The following MAP2K5 variants were observed in gnomAD, a reference collection of about 807,000 sequenced individuals.
MAP2K5 encodes the protein mitogen-activated protein kinase kinase 5, also known as dual specificity mitogen-activated protein kinase kinase 5.
Under a neutral mutation model 83.1 loss-of-function variants are expected in MAP2K5, and 49 were observed. The observed-to-expected ratio is 0.59, with a 90% CI of 0.47 to 0.75. MAP2K5 has a LOEUF of 0.75. Among genes scored for constraint, MAP2K5 ranks in the 30% least tolerant of loss-of-function variants. The pLI, the probability that MAP2K5 is intolerant of heterozygous loss-of-function variation, is 0.00. For missense variants in MAP2K5, 457 were observed against 557.5 expected, an observed-to-expected ratio of 0.82 and a Z score of 1.82; for synonymous variants, 202 against 191.8, an observed-to-expected ratio of 1.05 and a Z score of -0.44.
chr15:67,558,609 C>G (rs969485819), intron 2 of MAP2K5, among the ~76,000 whole-genome samples: 2 of 152,222 alleles, frequency 1.3e-5, no homozygotes, highest in Non-Finnish European at 2.9e-5. Context: ...ATTTTCGCAT[C>G]TGGCCTCAAC....
At chr15:67,741,471 G>A (rs1046597001) in intron 17 of MAP2K5, among the ~76,000 whole-genome samples, 1 of 152,180 alleles carries the variant, frequency 6.6e-6, no homozygotes, top group African/African-American at 2.4e-5. Flanking sequence ...GTCTGAGAGG[G>A]GAACAGCAGG....
chr15:67,801,047 C>G lies in MAP2K5; in HGVS notation c.1243-5599C>G, dbSNP rs1036378558. 6.6e-6 allele frequency among the ~76,000 whole-genome samples: 1 copy of G among 152,032 alleles called. No individual in the cohort carries two copies. Among genetic ancestry groups the G allele is most frequent in the African/African-American group, 2.4e-5 (1 of 41,368 alleles). Reference sequence around the variant, plus strand: ...AAATTTTCTTAACAGAATTTGAAACCGCTGCAGAGCCCCCAAAGCACCTCA... The same window carrying G: ...AAATTTTCTTAACAGAATTTGAAACGGCTGCAGAGCCCCCAAAGCACCTCA... On this transcript the variant is annotated intron_variant, in intron 21 of 21. Coordinates refer to ENST00000178640, the MANE Select transcript of MAP2K5 (RefSeq NM_145160.3). The surrounding 1 kb of genome is among the most constrained non-coding windows in gnomAD (Gnocchi z 4.8).
intron 17 of MAP2K5, among the ~76,000 whole-genome samples, chr15:67,739,979 T>G (rs2089457218): frequency 6.6e-6 from 1 of 152,150 alleles, no homozygotes; most frequent in Admixed American, 6.5e-5. Flanking sequence ...CTTTAGGGGT[T>G]GGAAGGATGG....
At chr15:67,639,592 G>A (rs2086670372) in intron 9 of MAP2K5, among the ~76,000 whole-genome samples, 1 of 152,168 alleles carries the variant, frequency 6.6e-6, no homozygotes. Context: ...GGCTTGCCAA[G>A]GGTCATCCTG....
chr15:67,588,888 T>C (rs1019638350), intron 6 of MAP2K5, among the ~76,000 whole-genome samples: 1 of 152,236 alleles, frequency 6.6e-6, no homozygotes, highest in Non-Finnish European at 1.5e-5. Flanking sequence ...CAATCACAGC[T>C]CGCTGCAGCC....
intron 5 of MAP2K5, 35 bp downstream of exon 5, chr15:67,585,965 A>T (rs1567291225): frequency 6.3e-7 from 1 of 1,575,850 alleles, no homozygotes; most frequent in Non-Finnish European, 8.7e-7. Context: ...GTAAAGTTAG[A>T]TGGATTTGTA....
At chr15:67,607,559 C>T (rs189271784) in intron 8 of MAP2K5, among the ~76,000 whole-genome samples, 27 of 152,254 alleles carry the variant, frequency 1.8e-4, no homozygotes, top group African/African-American at 4.8e-4. Flanking sequence ...TGTCACAGGT[C>T]GCTGAGCAGA....
At chr15:67,584,062 A>G (rs560888152) in intron 4 of MAP2K5, among the ~76,000 whole-genome samples, 1 of 152,160 alleles carries the variant, frequency 6.6e-6, no homozygotes, top group Non-Finnish European at 1.5e-5. Context: ...ATTCTGATGT[A>G]ATAACATGTT....
chr15:67,653,427 A>G (rs1323328099), intron 11 of MAP2K5, among the ~76,000 whole-genome samples: 1 of 151,910 alleles, frequency 6.6e-6, no homozygotes, highest in African/African-American at 2.4e-5. Flanking sequence ...CTGGGATTAC[A>G]AGCACCCAGC....
intron 13 of MAP2K5, among the ~76,000 whole-genome samples, chr15:67,673,445 T>C (rs2087598161): frequency 1.3e-5 from 2 of 152,314 alleles, no homozygotes; most frequent in African/African-American, 2.4e-5. Flanking sequence ...TTGTATTATA[T>C]TCCAAAATTA....
intron 8 of MAP2K5, among the ~76,000 whole-genome samples, chr15:67,605,860 T>A (rs896917440): frequency 6.6e-6 from 1 of 152,224 alleles, no homozygotes; most frequent in Non-Finnish European, 1.5e-5. Context: ...CTTCCTCATA[T>A]CTAGCTACTT....
At chr15:67,763,293 C>T (rs1169752407) in intron 19 of MAP2K5, among the ~76,000 whole-genome samples, 3 of 151,948 alleles carry the variant, frequency 2.0e-5, no homozygotes, top group Admixed American at 6.6e-5. Flanking sequence ...GGAGTGGCCA[C>T]ATTTTAAAAT....
rs2087442273 is a variant in MAP2K5, at chr15:67,668,435, G to T, written c.847+3790G>T. ...TCTTTATTAAAAGGCATATGTGAGA[G>T]CACTATAAGCATAGCATGTGCTGAC... On this transcript the variant is annotated intron_variant, in intron 13 of 21. Transcript: ENST00000178640. This position sits in a 1 kb window ranked among gnomAD's most constrained non-coding sequence, Gnocchi z 4.0. 6.6e-6 allele frequency among the ~76,000 whole-genome samples: 1 copy of T among 152,130 alleles called. No individual in the cohort carries two copies.
intron 9 of MAP2K5, chr15:67,641,345 C>T (rs972995416): frequency 7.8e-5 from 20 of 254,934 alleles, no homozygotes; most frequent in Non-Finnish European, 1.1e-4. Flanking sequence ...CTGAGTTGTA[C>T]ATACTGTAAA....
chr15:67,703,737 A>G (rs1195906018), intron 16 of MAP2K5, among the ~76,000 whole-genome samples: 1 of 152,222 alleles, frequency 6.6e-6, no homozygotes, highest in African/African-American at 2.4e-5. Flanking sequence ...GGTGATTCTT[A>G]TACATACTAA....
chr15:67,563,473 G>T lies in MAP2K5; in HGVS notation c.252+123G>T. 7.9e-7 allele frequency: 1 copy of T among 1,260,150 alleles called. No homozygotes were observed. Among genetic ancestry groups the T allele is most frequent in the Non-Finnish European group, 1.1e-6 (1 of 933,572 alleles). The allele number at this position is 1,260,150 out of a possible 1,614,324, so 78.1% of individuals were successfully genotyped here. A position where few individuals can be genotyped will look rare whatever the true frequency, so the allele number is the denominator to read the frequency against. ...TGTCATACATTTTTCTATATAATAGGTAAAGGTTTCAAGGATTTCCGTATG... is the reference window on the plus strand; with the variant it reads ...TGTCATACATTTTTCTATATAATAGTTAAAGGTTTCAAGGATTTCCGTATG... On this transcript the variant is annotated intron_variant, in intron 3 of 21. Transcript: ENST00000178640. The surrounding 1 kb of genome is among the most constrained non-coding windows in gnomAD (Gnocchi z 4.5).
rs1365205467 is a variant in MAP2K5 at position 67,778,393 on chromosome 15, G to C, written c.1242+5641G>C. The stretch of plus-strand genomic sequence containing the variant: ...CACTCAAATTCCAGTGTGACTTTGG[G>C]CTTCACACCAAATGGCTTTGTTTCA... On this transcript the variant is annotated intron_variant, in intron 21 of 21. Transcript: ENST00000178640. This position sits in a 1 kb window ranked among gnomAD's most constrained non-coding sequence, Gnocchi z 5.0. Among the ~76,000 whole-genome samples, 17 of 152,132 alleles carry C rather than the reference G, an allele frequency of 1.1e-4. No homozygotes were observed. The highest frequency in any genetic ancestry group is 1.5e-5 in the Non-Finnish European group (1 of 68,014).
intron 1 of MAP2K5, among the ~76,000 whole-genome samples, chr15:67,548,803 T>G (rs551070930): frequency 6.6e-6 from 1 of 152,336 alleles, no homozygotes; most frequent in South Asian, 2.1e-4. Context: ...AAGTTGATGT[T>G]TCATTTGTGA....
rs984924747 is a variant in MAP2K5, at chr15:67,668,163, A to G, written c.847+3518A>G. Among the ~76,000 whole-genome samples the G allele has an allele frequency of 1.3e-5, 2 of 152,172 alleles. No individual in the cohort carries two copies. The highest frequency in any genetic ancestry group is 1.3e-4 in the Admixed American group (2 of 15,260). On this transcript the variant is annotated intron_variant, in intron 13 of 21. Transcript: ENST00000178640. The surrounding 1 kb of genome is among the most constrained non-coding windows in gnomAD (Gnocchi z 4.0). ...AGATATATGTGCAGGGACTTTATAA[A>G]CTATTGAATGCTAAGAATGTGGCAT...
Sources: gnomAD v4.1 joint callset for allele counts (sites outside exome capture counted in the v4.1 genomes callset) on GRCh38, gnomAD v4.1.1 for gene constraint, Gnocchi (gnomAD v3.1) non-coding constraint, MANE v1.5 for transcripts, NCBI Gene and HGNC (gene_info 2026-07-23, HGNC 2026-07-21) for gene names.